The following CDR2 variants were observed in gnomAD, a reference collection of about 807,000 sequenced individuals.
CDR2 encodes the protein cerebellar degeneration related protein 2, also known as cerebellar degeneration-related protein 2.
A neutral mutation model predicts 48.4 loss-of-function variants in CDR2; 34 were observed. The observed-to-expected ratio is 0.70, with a 90% CI of 0.53 to 0.94. The LOEUF (loss-of-function observed/expected upper bound fraction) is 0.94, where lower values mean the gene tolerates loss of function less well. Among genes scored for constraint, CDR2 ranks in the 40% least tolerant of loss-of-function variants. The probability of loss-of-function intolerance (pLI) is 0.00; values close to 1 mark genes in which losing one functional copy is unlikely to be tolerated. For synonymous variants in CDR2, 240 were observed against 219.7 expected (o/e 1.09, Z -0.82); for missense variants, 498 against 549.5 (o/e 0.91, Z 0.94).
intron 2 of CDR2, among the ~76,000 whole-genome samples, chr16:22,352,000 C>T (rs2048944927): frequency 6.6e-6 from 1 of 152,228 alleles, no homozygotes; most frequent in African/African-American, 2.4e-5. Flanking sequence ...GTAATCCCAA[C>T]ACTTTGGGAG....
intron 2 of CDR2, among the ~76,000 whole-genome samples, chr16:22,363,679 C>A (rs995023878): frequency 7.2e-5 from 11 of 152,180 alleles, no homozygotes; most frequent in African/African-American, 2.7e-4. Context: ...CCTGGGTCTA[C>A]TGTACCAATT....
intron 2 of CDR2, among the ~76,000 whole-genome samples, chr16:22,355,569 C>G (rs572141727): frequency 6.6e-6 from 1 of 152,314 alleles, no homozygotes; most frequent in South Asian, 2.1e-4. Flanking sequence ...GACTGAGTCC[C>G]TGCCCTAGGC....
At chr16:22,362,608 C>CA (rs1233868965) in intron 2 of CDR2, among the ~76,000 whole-genome samples, 4 of 152,180 alleles carry the variant, frequency 2.6e-5, no homozygotes, top group Admixed American at 2.0e-4. Context: ...TACGATAATA[C>CA]AATTAAGACT....
chr16:22,370,995 G>A (rs994452799), intron 1 of CDR2, among the ~76,000 whole-genome samples: 1 of 152,104 alleles, frequency 6.6e-6, no homozygotes, highest in Non-Finnish European at 1.5e-5. Context: ...GGTAAATCAC[G>A]AGGTCAGGAG....
intron 2 of CDR2, among the ~76,000 whole-genome samples, chr16:22,352,139 G>A (rs1010384957): frequency 3.9e-5 from 6 of 152,072 alleles, no homozygotes; most frequent in South Asian, 4.1e-4. Flanking sequence ...GTAATCCCAC[G>A]TACTCAGGAG....
chr16:22,371,848 ATGTGTGTG>A (rs56274013), intron 1 of CDR2, among the ~76,000 whole-genome samples: 19,092 of 147,480 alleles, frequency 0.13, 1,325 homozygotes, highest in South Asian at 0.2. Context: ...AGGTTCAGAT[ATGTGTGTG>A]TGTGTGTGTG....
At chr16:22,373,293 G>C (rs1183259437) in intron 1 of CDR2, among the ~76,000 whole-genome samples, 1 of 152,192 alleles carries the variant, frequency 6.6e-6, no homozygotes, top group African/African-American at 2.4e-5. Context: ...CTGTTTCTAA[G>C]TGAAAGCTGG....
intron 1 of CDR2, among the ~76,000 whole-genome samples, chr16:22,365,729 T>C (rs2049040948): frequency 6.6e-6 from 1 of 152,250 alleles, no homozygotes; most frequent in Non-Finnish European, 1.5e-5. Context: ...GATTTGTTTA[T>C]ATTATACTCA....
Position 22,347,345 on chromosome 16 carries a change from C to T in CDR2, c.985G>A (p.Glu329Lys), listed in dbSNP as rs1472213263. 2 of 1,614,130 alleles carry T rather than the reference C, an allele frequency of 1.2e-6. No individual in the cohort carries two copies. The highest frequency in any genetic ancestry group is 1.7e-6 in the Non-Finnish European group (2 of 1,180,054). ...GCCTTGGCCCTCCTGATGCAGGTCT[C>T]CTCGTGGCCCTTCACGATGTCACTC... ...AGSDIVKGHEETCIRRAKAVK... is the reference protein window; with the variant it reads ...AGSDIVKGHEKTCIRRAKAVK... The change falls in exon 5 of 5, where the codon GAG becomes AAG. Residue 329 changes from glutamate (E) to lysine (K), a missense_variant. Physicochemically the swap from Glu to Lys is moderately conservative, Grantham distance 56 (BLOSUM62 1). Transcript: ENST00000268383.
chr16:22,374,412 C>G lies in CDR2; in HGVS notation c.-103G>C. 3 of 579,722 alleles carry G rather than the reference C, an allele frequency of 5.2e-6. No homozygotes were observed. The highest frequency in any genetic ancestry group is 2.6e-6 in the Non-Finnish European group (1 of 379,008). The allele number at this position is 579,722 out of a possible 1,614,324, so 35.9% of individuals were successfully genotyped here. On this transcript the variant is annotated 5_prime_UTR_variant, in exon 1 of 5. Transcript: ENST00000268383. Reference sequence around the variant, plus strand: ...CTCCGCCCTCAGCCAGAGCCGCCCTCGGGCGGGACGCGCCGCCGCCCAGAC... The same window carrying G: ...CTCCGCCCTCAGCCAGAGCCGCCCTGGGGCGGGACGCGCCGCCGCCCAGAC...
chr16:22,349,179 G>A (rs2048925406), intron 4 of CDR2, 100 bp downstream of exon 4: 1 of 1,277,818 alleles, frequency 7.8e-7, no homozygotes, highest in Non-Finnish European at 1.1e-6. Context: ...ATAGCTAAGT[G>A]ACTTTTCTTA....
chr16:22,373,495 C>G (rs1039469144), intron 1 of CDR2, among the ~76,000 whole-genome samples: 4 of 152,200 alleles, frequency 2.6e-5, no homozygotes, highest in African/African-American at 9.7e-5. Flanking sequence ...AAAAAACACT[C>G]CCTCCCACAC....
chr16:22,374,066 T>C (rs1598298861), intron 1 of CDR2, among the ~76,000 whole-genome samples, 165 bp downstream of exon 1: 1 of 152,228 alleles, frequency 6.6e-6, no homozygotes, highest in Non-Finnish European at 1.5e-5. Context: ...CGAGGCTTCC[T>C]GCGGGCGGGA....
intron 2 of CDR2, among the ~76,000 whole-genome samples, chr16:22,360,221 C>G (rs1180022202): frequency 6.6e-6 from 1 of 152,118 alleles, no homozygotes; most frequent in Non-Finnish European, 1.5e-5. Flanking sequence ...GTTCTCTCCT[C>G]CCCTCCTTCC....
intron 2 of CDR2, among the ~76,000 whole-genome samples, chr16:22,353,506 T>C (rs142499083): frequency 2.6e-5 from 4 of 152,286 alleles, no homozygotes; most frequent in East Asian, 1.9e-4. Context: ...CCCCAAAGCA[T>C]GCGTCTTTGG....
chr16:22,365,705 T>A (rs1463509549), intron 1 of CDR2, among the ~76,000 whole-genome samples: 1 of 152,210 alleles, frequency 6.6e-6, no homozygotes, highest in East Asian at 1.9e-4. Context: ...TTAGGTATAA[T>A]GCCCATAAAA....
At chr16:22,352,187 C>T (rs189903646) in intron 2 of CDR2, among the ~76,000 whole-genome samples, 10 of 152,224 alleles carry the variant, frequency 6.6e-5, no homozygotes, top group Admixed American at 5.2e-4. Context: ...GGGAGGTGAA[C>T]GTTGCAGTGA....
chr16:22,354,351 C>T (rs2048960286), intron 2 of CDR2, among the ~76,000 whole-genome samples: 2 of 152,246 alleles, frequency 1.3e-5, no homozygotes, highest in Admixed American at 1.3e-4. Flanking sequence ...TAATGCTCAC[C>T]GTCTCCCTGC....
chr16:22,349,695 A>G lies in CDR2; in HGVS notation c.341+6T>C, dbSNP rs371230567. The G allele has an allele frequency of 2.9e-5, 47 of 1,613,570 alleles. No individual in the cohort carries two copies. In the African/African-American group the frequency reaches 5.2e-4, roughly 18 times the overall value. ...GTCCTTCCTTGTCAGATTCTAGAAAATTTACCTCAGAATCTTTTGCTGTGA... is the reference window on the plus strand; with the variant it reads ...GTCCTTCCTTGTCAGATTCTAGAAAGTTTACCTCAGAATCTTTTGCTGTGA... On this transcript the variant is annotated splice_donor_region_variant and intron_variant, in intron 3 of 4. Coordinates refer to ENST00000268383, the MANE Select transcript of CDR2 (RefSeq NM_001802.2).
Sources: gnomAD v4.1 joint callset for allele counts (sites outside exome capture counted in the v4.1 genomes callset) on GRCh38, gnomAD v4.1.1 for gene constraint, MANE v1.5 for transcripts, NCBI Gene and HGNC (gene_info 2026-07-23, HGNC 2026-07-21) for gene names.